Variants in SNX29 observed in about 807,000 individuals in gnomAD.
The protein encoded by SNX29 is sorting nexin 29.
A neutral mutation model predicts 102.1 loss-of-function variants in SNX29; 78 were observed. That is an observed-to-expected ratio of 0.76 (90% CI 0.64 to 0.92). SNX29 has a LOEUF of 0.92. Ranked by LOEUF, SNX29 falls within the 40% of genes least tolerant of loss-of-function variation. The pLI is 0.00. For synonymous variants in SNX29, 580 were observed against 414.5 expected (o/e 1.40, Z -4.85); for missense variants, 1,280 against 1,061.7 (o/e 1.21, Z -2.86).
At chr16:12,384,529 C>T (rs1161657302) in intron 16 of SNX29, among the ~76,000 whole-genome samples, 1 of 152,106 alleles carries the variant, frequency 6.6e-6, no homozygotes, top group Non-Finnish European at 1.5e-5. Flanking sequence ...TGAGAAATGT[C>T]GTTTCAGATC....
intron 16 of SNX29, among the ~76,000 whole-genome samples, chr16:12,383,784 T>C (rs2083258810): frequency 6.6e-6 from 1 of 150,448 alleles, no homozygotes; most frequent in African/African-American, 2.4e-5. Flanking sequence ...TTTTTTTTTT[T>C]TTTTTTTGCT....
chr16:12,501,147 G>A (rs1055575110), intron 19 of SNX29, among the ~76,000 whole-genome samples: 1 of 152,182 alleles, frequency 6.6e-6, no homozygotes, highest in Admixed American at 6.5e-5. Context: ...TATAACCCCA[G>A]CACTTTGGGA....
chr16:12,555,158 G>A (rs189710061), intron 20 of SNX29, among the ~76,000 whole-genome samples: 2,303 of 151,940 alleles, frequency 0.015, 55 homozygotes, highest in African/African-American at 0.052. Context: ...GGAGTGACAG[G>A]GTCTGGCATC....
At chr16:12,263,091 GTTA>G (rs1200367413) in intron 14 of SNX29, among the ~76,000 whole-genome samples, 2 of 150,656 alleles carry the variant, frequency 1.3e-5, no homozygotes, top group Non-Finnish European at 3.0e-5. Context: ...AACTGACATT[GTTA>G]TTATTGTCAT....
In SNX29 at chr16:12,527,337, C is replaced by T. The variant is rs201464597; in HGVS notation, c.2318+2496C>T. The T allele has an allele frequency of 2.0e-3, 1,022 of 521,542 alleles. 13 individuals are homozygous for T. Among genetic ancestry groups the T allele is most frequent in the Non-Finnish European group, 3.6e-4 (97 of 269,458 alleles). 32.3% of individuals were successfully genotyped at this position (521,542 alleles called of 1,614,324 possible). On this transcript the variant is annotated intron_variant, in intron 20 of 20. Transcript: ENST00000566228. ...CTGCTGTCTCAGCTGGAAAGCTGAG[C>T]CTGAGAGATTTCTGGTTAAAAAAAA...
intron 14 of SNX29, among the ~76,000 whole-genome samples, chr16:12,271,652 C>T (rs2079095853): frequency 6.6e-6 from 1 of 151,236 alleles, no homozygotes; most frequent in African/African-American, 2.4e-5. Context: ...AGACAGAGTC[C>T]CACTCTGTTG....
At chr16:12,237,390 T>A (rs912996787) in intron 14 of SNX29, among the ~76,000 whole-genome samples, 3 of 152,232 alleles carry the variant, frequency 2.0e-5, no homozygotes, top group African/African-American at 7.2e-5. Context: ...TCCCAGATTT[T>A]GCAATTAAGG....
At chr16:12,550,185 T>A (rs1409011540) in intron 20 of SNX29, among the ~76,000 whole-genome samples, 1 of 152,162 alleles carries the variant, frequency 6.6e-6, no homozygotes, top group African/African-American at 2.4e-5. Context: ...TCCATGACAT[T>A]ATTACTAAGA....
In SNX29 at chr16:12,169,151, C is replaced by T. The variant is rs117412373; in HGVS notation, c.1596-30450C>T. On this transcript the variant is annotated intron_variant, in intron 13 of 20. Coordinates refer to ENST00000566228, the MANE Select transcript of SNX29 (RefSeq NM_032167.5). Reference sequence around the variant, plus strand: ...GTGAATATGCTGAAAACCACTGAATCGTATGCTTGAACTGGGTGAATTGTT... The same window carrying T: ...GTGAATATGCTGAAAACCACTGAATTGTATGCTTGAACTGGGTGAATTGTT... Among the ~76,000 whole-genome samples, 340 of 152,300 alleles carry T rather than the reference C, an allele frequency of 2.2e-3. 2 individuals carry two copies. The highest frequency in any genetic ancestry group is 6.0e-3 in the South Asian group (29 of 4,822).
chr16:12,434,212 T>G (rs530642351), intron 18 of SNX29, among the ~76,000 whole-genome samples: 1 of 152,296 alleles, frequency 6.6e-6, no homozygotes, highest in African/African-American at 2.4e-5. Flanking sequence ...CTCTGTGAAA[T>G]GGGGATAATA....
intron 4 of SNX29, among the ~76,000 whole-genome samples, chr16:12,037,347 C>G (rs2057504677): frequency 6.6e-6 from 1 of 152,122 alleles, no homozygotes; most frequent in South Asian, 2.1e-4. Context: ...GACAAGGCCT[C>G]TTTTCTGGTG....
intron 15 of SNX29, among the ~76,000 whole-genome samples, chr16:12,295,382 G>C (rs183381582): frequency 1.3e-5 from 2 of 152,288 alleles, no homozygotes; most frequent in East Asian, 3.9e-4. Flanking sequence ...ACCAACCCAA[G>C]GACTTTTTCT....
At chr16:12,066,397 C>A (rs890799472) in intron 9 of SNX29, among the ~76,000 whole-genome samples, 1 of 152,098 alleles carries the variant, frequency 6.6e-6, no homozygotes. Context: ...GGGTGCCGTG[C>A]TCTTGTGAGC....
At chr16:12,542,721 C>T (rs1220161219) in intron 20 of SNX29, among the ~76,000 whole-genome samples, 2 of 149,984 alleles carry the variant, frequency 1.3e-5, no homozygotes, top group African/African-American at 4.9e-5. Context: ...GTCTTTTACT[C>T]TTAAATCTTG....
At chr16:12,461,978 A>AATATATATATAT (rs71139595) in intron 18 of SNX29, among the ~76,000 whole-genome samples, 14 of 27,346 alleles carry the variant, frequency 5.1e-4, no homozygotes, top group African/African-American at 8.2e-4. Flanking sequence ...AAAAAAAAAA[A>AATATATATATAT]ATATATATAT....
intron 18 of SNX29, among the ~76,000 whole-genome samples, chr16:12,435,045 C>G (rs1410251906): frequency 6.6e-6 from 1 of 151,740 alleles, no homozygotes; most frequent in East Asian, 1.9e-4. Flanking sequence ...ATACCAGGAG[C>G]TTGACCTTGG....
intron 18 of SNX29, among the ~76,000 whole-genome samples, chr16:12,444,306 A>G (rs1268924443): frequency 6.6e-6 from 1 of 151,856 alleles, no homozygotes; most frequent in African/African-American, 2.4e-5. Flanking sequence ...CACTCAGTAT[A>G]GCACCTAGCA....
At chr16:12,216,744 A>G (rs573490991) in intron 14 of SNX29, among the ~76,000 whole-genome samples, 1 of 106,856 alleles carries the variant, frequency 9.4e-6, no homozygotes, top group East Asian at 3.3e-4. Flanking sequence ...CTCGTTTTGG[A>G]TCATTTCTGT....
intron 10 of SNX29, among the ~76,000 whole-genome samples, chr16:12,075,485 G>A (rs1277559841): frequency 6.6e-6 from 1 of 152,192 alleles, no homozygotes; most frequent in East Asian, 1.9e-4. Flanking sequence ...AGGGATTTTC[G>A]TGATCCGCGA....
Sources: gnomAD v4.1 joint callset for allele counts (sites outside exome capture counted in the v4.1 genomes callset) on GRCh38, gnomAD v4.1.1 for gene constraint, MANE v1.5 for transcripts, NCBI Gene and HGNC (gene_info 2026-07-23, HGNC 2026-07-21) for gene names.